SMAD3: variants seen among roughly 807,000 people sequenced by gnomAD.
SMAD3 encodes the protein MAD homolog 3.
In SMAD3, 12 loss-of-function variants were observed where a neutral mutation model predicts 51.8. The observed-to-expected ratio is 0.23, with a 90% CI of 0.15 to 0.38. SMAD3 has a LOEUF of 0.38. Ranked by LOEUF, SMAD3 falls within the 10% of genes least tolerant of loss-of-function variation. SMAD3 has a pLI of 1.00. For missense variants in SMAD3, 294 were observed against 565.6 expected (o/e 0.52, Z 4.87); for synonymous variants, 238 against 227.7 (o/e 1.05, Z -0.41).
At position 67,192,800 on chromosome 15, in the gene SMAD3, TTGAATG is replaced by T. The variant is rs2140331703; in HGVS notation, c.*2268_*2273del. ...CCTATACTTTGGCAGGTTATGAACT[TTGAATG>T]TGATGAAATGACACGTTTGGCTGCA... On this transcript the variant is annotated 3_prime_UTR_variant, in exon 9 of 9. Transcript: ENST00000327367. 4.3e-6 allele frequency: 1 copy of T among 233,288 alleles called. No individual in the cohort carries two copies. Among genetic ancestry groups the T allele is most frequent in the East Asian group, 6.0e-5 (1 of 16,698 alleles). 14.5% of individuals were successfully genotyped at this position (233,288 alleles called of 1,614,324 possible). A position where few individuals can be genotyped will look rare whatever the true frequency, so the allele number is the denominator to read the frequency against.
In SMAD3 at chr15:67,151,213, T is replaced by A. The variant is rs1018571962; in HGVS notation, c.207-13682T>A. Among the ~76,000 whole-genome samples, 3 of 152,124 alleles carry A rather than the reference T, an allele frequency of 2.0e-5. No homozygotes were observed. In the South Asian group the frequency reaches 6.2e-4, roughly 32 times the overall value. Reference sequence around the variant, plus strand: ...TTAGTGGAAGGCCCAGATTTGTGTTTCAGTTCTACCTTGCCACCTCTAAGC... The same window carrying A: ...TTAGTGGAAGGCCCAGATTTGTGTTACAGTTCTACCTTGCCACCTCTAAGC... On this transcript the variant is annotated intron_variant, in intron 1 of 8. Transcript: ENST00000327367.
At chr15:67,139,256 A>G (rs140739453) in intron 1 of SMAD3, among the ~76,000 whole-genome samples, 10 of 152,112 alleles carry the variant, frequency 6.6e-5, no homozygotes, top group African/African-American at 2.4e-4. Context: ...ACATTAGGGG[A>G]AAAAAAATAA....
chr15:67,136,344 T>C (rs994441439), intron 1 of SMAD3, among the ~76,000 whole-genome samples: 1 of 127,944 alleles, frequency 7.8e-6, no homozygotes, highest in Non-Finnish European at 1.7e-5. Context: ...TTTTTTTTTT[T>C]CTTTTCGAGT....
chr15:67,168,125 G>T (rs1962641396), intron 4 of SMAD3, among the ~76,000 whole-genome samples: 1 of 152,300 alleles, frequency 6.6e-6, no homozygotes, highest in Middle Eastern at 3.4e-3. Flanking sequence ...CGGCTCATTT[G>T]TGTATTTTTA....
chr15:67,092,758 T>C lies in SMAD3; in HGVS notation c.206+26398T>C, dbSNP rs112422728. Among the ~76,000 whole-genome samples the C allele has an allele frequency of 3.3e-3, 510 of 152,350 alleles. 2 individuals carry two copies. The highest frequency in any genetic ancestry group is 0.011 in the African/African-American group (475 of 41,580). On this transcript the variant is annotated intron_variant, in intron 1 of 8. Transcript: ENST00000327367. ...TTAGGCCCAAGCCTGCCCTTGCTCT[T>C]AACCTCTTAATGGGTTTCTTCTTTC...
At chr15:67,084,168 G>A (rs944796133) in intron 1 of SMAD3, among the ~76,000 whole-genome samples, 3 of 145,080 alleles carry the variant, frequency 2.1e-5, no homozygotes, top group East Asian at 4.3e-4. Context: ...CTCTGCCTCC[G>A]GGGTTCATGC....
intron 7 of SMAD3, among the ~76,000 whole-genome samples, chr15:67,185,191 T>C (rs890091840): frequency 6.6e-6 from 1 of 152,184 alleles, no homozygotes; most frequent in Non-Finnish European, 1.5e-5. Flanking sequence ...TGCCAGGTGC[T>C]GTAGGGGATG....
In SMAD3 at chr15:67,123,480, CAA is replaced by C. The variant is rs558439368; in HGVS notation, c.207-41414_207-41413del. ...TGCCATCGCACTCCAGCTTGGGCAA[CAA>C]GAGCAAAACTCCGTCTCAAAAAAAA... is the stretch of plus-strand genomic sequence containing the variant. On this transcript the variant is annotated intron_variant, in intron 1 of 8. Coordinates refer to ENST00000327367, the MANE Select transcript of SMAD3 (RefSeq NM_005902.4). 1.6e-3 allele frequency among the ~76,000 whole-genome samples: 239 copies of C among 152,270 alleles called. 1 individual carries two copies. Among genetic ancestry groups the C allele is most frequent in the African/African-American group, 5.4e-3 (226 of 41,546 alleles).
At chr15:67,106,471 C>T (rs1055492784) in intron 1 of SMAD3, among the ~76,000 whole-genome samples, 1 of 152,162 alleles carries the variant, frequency 6.6e-6, no homozygotes, top group Non-Finnish European at 1.5e-5. Flanking sequence ...TCCTCCCCTT[C>T]ATCTTAACTC....
At chr15:67,105,975 A>C (rs976305428) in intron 1 of SMAD3, among the ~76,000 whole-genome samples, 2 of 152,260 alleles carry the variant, frequency 1.3e-5, no homozygotes, top group East Asian at 3.9e-4. Context: ...TCCAGACCTC[A>C]GGAAGCAATC....
At chr15:67,068,539 C>T (rs1959979878) in intron 1 of SMAD3, among the ~76,000 whole-genome samples, 1 of 152,198 alleles carries the variant, frequency 6.6e-6, no homozygotes, top group South Asian at 2.1e-4. Flanking sequence ...TTGGATGATT[C>T]TGAGAGTTCA....
intron 1 of SMAD3, chr15:67,098,523 C>T (rs1960669702): frequency 3.2e-6 from 1 of 310,196 alleles, no homozygotes; most frequent in Non-Finnish European, 6.1e-6. Context: ...GCAGGGGTTT[C>T]TTACTGCCCC....
At chr15:67,126,914 C>T (rs988651289) in intron 1 of SMAD3, among the ~76,000 whole-genome samples, 1 of 152,034 alleles carries the variant, frequency 6.6e-6, no homozygotes, top group African/African-American at 2.4e-5. Context: ...TAGTCACCAC[C>T]CACACAGGCA....
intron 1 of SMAD3, among the ~76,000 whole-genome samples, chr15:67,073,000 G>A (rs938289442): frequency 2.0e-5 from 3 of 152,198 alleles, no homozygotes; most frequent in Admixed American, 6.5e-5. Context: ...AGTGAATAAG[G>A]CAGATACTGT....
rs951646902 is a variant in SMAD3, at chr15:67,191,265, A to G, written c.*729A>G. The G allele has an allele frequency of 4.3e-6, 1 of 233,628 alleles. No individual in the cohort carries two copies. The highest frequency in any genetic ancestry group is 8.5e-6 in the Non-Finnish European group (1 of 118,338). The allele number at this position is 233,628 out of a possible 1,614,324, so 14.5% of individuals were successfully genotyped here. A position where few individuals can be genotyped will look rare whatever the true frequency, so the allele number is the denominator to read the frequency against. On this transcript the variant is annotated 3_prime_UTR_variant, in exon 9 of 9. Transcript: ENST00000327367. ...TCCTTTTTCACTTTGAAAAGTTGGA[A>G]GGATCTGCTGAGGCCCAGTGCATAT...
At chr15:67,134,185 G>T (rs915532659) in intron 1 of SMAD3, among the ~76,000 whole-genome samples, 1 of 151,992 alleles carries the variant, frequency 6.6e-6, no homozygotes, top group African/African-American at 2.4e-5. Context: ...TATTTCCAAG[G>T]CTCAACCCCT....
intron 1 of SMAD3, chr15:67,147,020 A>G (rs1392306289): frequency 1.3e-5 from 2 of 152,168 alleles, no homozygotes; most frequent in Non-Finnish European, 2.9e-5. Flanking sequence ...GGCCCCTCCC[A>G]CAGTTCTTTG....
rs763321881 is a variant in SMAD3, at chr15:67,066,371, G to T, written c.206+11G>T. 2.4e-5 allele frequency: 38 copies of T among 1,607,368 alleles called. No individual in the cohort carries two copies. Among genetic ancestry groups the T allele is most frequent in the Non-Finnish European group, 6.8e-6 (8 of 1,176,190 alleles). On this transcript the variant is annotated intron_variant, in intron 1 of 8. Transcript: ENST00000327367. ...CATCACCATCCCCAGGTGGGGGCCC[G>T]CCCGGGGGGGACCCGGGGTCACGCC...
chr15:67,148,138 C>T (rs1490350169), intron 1 of SMAD3, among the ~76,000 whole-genome samples: 1 of 152,168 alleles, frequency 6.6e-6, no homozygotes, highest in Non-Finnish European at 1.5e-5. Context: ...CACCTTTAAG[C>T]CACTTCCCCC....
Sources: gnomAD v4.1 joint callset for allele counts (sites outside exome capture counted in the v4.1 genomes callset) on GRCh38, gnomAD v4.1.1 for gene constraint, MANE v1.5 for transcripts, NCBI Gene and HGNC (gene_info 2026-07-23, HGNC 2026-07-21) for gene names.